Variants in AP4S1 observed in about 807,000 individuals in gnomAD.
AP4S1 encodes the protein AP-4 complex subunit sigma-1.
A neutral mutation model predicts 19.8 loss-of-function variants in AP4S1; 23 were observed. That is an observed-to-expected ratio of 1.16 (90% confidence interval 0.84 to 1.65). The LOEUF (loss-of-function observed/expected upper bound fraction) is 1.65. AP4S1 is among the 40% of genes most tolerant of loss of function. AP4S1 has a pLI of 0.00. For synonymous variants in AP4S1, 46 were observed against 54.1 expected, an observed-to-expected ratio of 0.85 and a Z score of 0.66; for missense variants, 166 against 172.8, an observed-to-expected ratio of 0.96 and a Z score of 0.22.
At chr14:31,030,095 C>T (rs904126282) in intron 1 of AP4S1, among the ~76,000 whole-genome samples, 4 of 152,076 alleles carry the variant, frequency 2.6e-5, no homozygotes, top group African/African-American at 4.8e-5. Context: ...ATCCTCCCAC[C>T]TCAGCCTCCT....
intron 4 of AP4S1, chr14:31,073,279 A>G (rs1315879423): frequency 3.1e-5 from 10 of 327,300 alleles, no homozygotes; most frequent in South Asian, 1.1e-4. Flanking sequence ...TCACAAGGTC[A>G]GGAGATGGAG....
At chr14:31,044,231 ACCCTTCCT>A (rs1566516860) in intron 1 of AP4S1, among the ~76,000 whole-genome samples, 1 of 152,128 alleles carries the variant, frequency 6.6e-6, no homozygotes, top group South Asian at 2.1e-4. Flanking sequence ...CTTTACTATA[ACCCTTCCT>A]TTTCTACTTA....
chr14:31,035,739 A>AT (rs759729839), intron 1 of AP4S1, among the ~76,000 whole-genome samples: 126 of 103,032 alleles, frequency 1.2e-3, no homozygotes, highest in Non-Finnish European at 2.1e-3. Context: ...TTATTTTTTT[A>AT]TTTTTTTTGA....
chr14:31,038,256 T>C (rs911873421), intron 1 of AP4S1, among the ~76,000 whole-genome samples: 9 of 152,198 alleles, frequency 5.9e-5, no homozygotes, highest in Non-Finnish European at 1.5e-5. Flanking sequence ...GAAGTATTAT[T>C]AGCCCTAATC....
chr14:31,073,026 A>G, intron 4 of AP4S1, 53 bp downstream of exon 4: 2 of 1,426,522 alleles, frequency 1.4e-6, no homozygotes, highest in African/African-American at 2.8e-5. Context: ...TTTCCCAGAA[A>G]TTGAGTCTCT....
chr14:31,055,111 A>G (rs1235550109), intron 1 of AP4S1, among the ~76,000 whole-genome samples: 1 of 149,858 alleles, frequency 6.7e-6, no homozygotes, highest in East Asian at 1.9e-4. Context: ...TTAAATATAT[A>G]TATTACATTA....
At chr14:31,078,651 T>C (rs1887488154) in intron 4 of AP4S1, among the ~76,000 whole-genome samples, 1 of 152,204 alleles carries the variant, frequency 6.6e-6, no homozygotes, top group Non-Finnish European at 1.5e-5. Flanking sequence ...TTAAAAATTA[T>C]TATTATTATA....
At chr14:31,077,775 C>T (rs1233504458) in intron 4 of AP4S1, among the ~76,000 whole-genome samples, 1 of 136,446 alleles carries the variant, frequency 7.3e-6, no homozygotes, top group African/African-American at 2.8e-5. Flanking sequence ...CTCGCTCTGT[C>T]GCCAGGCTGG....
chr14:31,091,050 T>C (rs1462428084), intron 5 of AP4S1, among the ~76,000 whole-genome samples: 2 of 152,184 alleles, frequency 1.3e-5, no homozygotes, highest in Admixed American at 1.3e-4. Context: ...TGTGGGGATG[T>C]CAGTGGTTTA....
rs1244366240 is a variant in AP4S1, at chr14:31,073,296, C to T, written c.294+323C>T. On this transcript the variant is annotated intron_variant, in intron 4 of 5. Coordinates refer to ENST00000542754, the MANE Select transcript of AP4S1 (RefSeq NM_001128126.3). The stretch of plus-strand genomic sequence containing the variant: ...ACAAGGTCAGGAGATGGAGACCATC[C>T]TGGCTAATACGGTGAAACCCCGTCT... 8.4e-5 allele frequency: 23 copies of T among 273,274 alleles called. 1 individual carries two copies. The highest frequency in any genetic ancestry group is 5.4e-4 in the East Asian group (6 of 11,088). The allele number at this position is 273,274 out of a possible 1,614,324, so 16.9% of individuals were successfully genotyped here. A position where few individuals can be genotyped will look rare whatever the true frequency, so the allele number is the denominator to read the frequency against.
chr14:31,082,505 T>C (rs1566544797), intron 5 of AP4S1, among the ~76,000 whole-genome samples: 1 of 151,978 alleles, frequency 6.6e-6, no homozygotes, highest in Non-Finnish European at 1.5e-5. Flanking sequence ...TCACTGGGAG[T>C]AGAGAACTCA....
chr14:31,045,892 G>C (rs765976696), intron 1 of AP4S1, among the ~76,000 whole-genome samples: 1 of 151,790 alleles, frequency 6.6e-6, no homozygotes. Flanking sequence ...AAGACCAAGT[G>C]ATGAGAGGAT....
chr14:31,029,112 A>C lies in AP4S1; in HGVS notation c.-72+3325A>C, dbSNP rs137905659. On this transcript the variant is annotated intron_variant, in intron 1 of 5. Transcript: ENST00000542754. ...CATCCAAACTTGAAGCCTAGCAGTC[A>C]TTCTACTACCTTTCAGTCAGCCCCC... Among the ~76,000 whole-genome samples the C allele has an allele frequency of 2.9e-3, 442 of 152,294 alleles. 5 individuals are homozygous for C. The highest frequency in any genetic ancestry group is 0.01 in the African/African-American group (420 of 41,568).
chr14:31,047,523 G>A (rs1179632022), intron 1 of AP4S1, among the ~76,000 whole-genome samples: 3 of 151,876 alleles, frequency 2.0e-5, no homozygotes, highest in Admixed American at 2.0e-4. Context: ...GAGTAGCTGG[G>A]ACTACATACA....
At chr14:31,073,452 T>C (rs549848053) in intron 4 of AP4S1, among the ~76,000 whole-genome samples, 40 of 144,298 alleles carry the variant, frequency 2.8e-4, no homozygotes, top group Admixed American at 1.9e-3. Context: ...ATCCCGCCAC[T>C]GCACTCCAGC....
chr14:31,081,412 C>A (rs1390240158), intron 5 of AP4S1, among the ~76,000 whole-genome samples: 2 of 152,090 alleles, frequency 1.3e-5, no homozygotes, highest in South Asian at 2.1e-4. Flanking sequence ...CTCCTTTTTG[C>A]CTTTTCTTCT....
intron 1 of AP4S1, among the ~76,000 whole-genome samples, chr14:31,060,566 G>A (rs1886381999): frequency 1.3e-5 from 2 of 152,170 alleles, no homozygotes; most frequent in South Asian, 4.1e-4. Context: ...AGCCAGGTCT[G>A]TCTTACTCAA....
intron 4 of AP4S1, among the ~76,000 whole-genome samples, chr14:31,074,600 G>T (rs1341016236): frequency 6.6e-6 from 1 of 152,034 alleles, no homozygotes; most frequent in Admixed American, 6.6e-5. Flanking sequence ...GTGAACCTGG[G>T]AGGCAGAGCT....
chr14:31,077,262 T>G (rs530912498), intron 4 of AP4S1, among the ~76,000 whole-genome samples: 2 of 151,880 alleles, frequency 1.3e-5, no homozygotes, highest in African/African-American at 4.8e-5. Flanking sequence ...TTTAAAGTTG[T>G]TTTTTTTCAT....
Sources: gnomAD v4.1 joint callset for allele counts (sites outside exome capture counted in the v4.1 genomes callset) on GRCh38, gnomAD v4.1.1 for gene constraint, MANE v1.5 for transcripts, NCBI Gene and HGNC (gene_info 2026-07-23, HGNC 2026-07-21) for gene names.